ZCCHC2: variants seen among roughly 807,000 people sequenced by gnomAD.
ZCCHC2 encodes zinc finger CCHC-type containing 2.
A neutral mutation model predicts 103.6 loss-of-function variants in ZCCHC2; 39 were observed. The observed-to-expected ratio is 0.38, with a 90% CI of 0.29 to 0.49. The LOEUF is 0.49. Ranked by LOEUF, ZCCHC2 falls within the 20% of genes least tolerant of loss-of-function variation. The pLI, the probability that ZCCHC2 is intolerant of heterozygous loss-of-function variation, is 0.96. For synonymous variants in ZCCHC2, 687 were observed against 608.9 expected, an observed-to-expected ratio of 1.13 and a Z score of -1.89; for missense variants, 1,483 against 1,491.0, an observed-to-expected ratio of 0.99 and a Z score of 0.09.
intron 13 of ZCCHC2, among the ~76,000 whole-genome samples, chr18:62,576,173 G>A (rs1374765295): frequency 6.6e-6 from 1 of 152,046 alleles, no homozygotes; most frequent in Non-Finnish European, 1.5e-5. Context: ...CTATGTTTGA[G>A]TAAGATACCA....
chr18:62,547,042 C>T (rs1301227686), intron 4 of ZCCHC2, among the ~76,000 whole-genome samples: 1 of 152,010 alleles, frequency 6.6e-6, no homozygotes, highest in Non-Finnish European at 1.5e-5. Context: ...AGTTCAGGAG[C>T]TGCCAGGTTC....
chr18:62,582,280 G>A (rs1049007913), downstream of ZCCHC2, among the ~76,000 whole-genome samples: 3 of 152,230 alleles, frequency 2.0e-5, no homozygotes, highest in African/African-American at 4.8e-5. Flanking sequence ...GGTGTTGGCC[G>A]TGGGAAGGTC....
At chr18:62,558,968 AAGAAT>A (rs1916004880) in intron 7 of ZCCHC2, among the ~76,000 whole-genome samples, 198 bp downstream of exon 7, 1 of 152,268 alleles carries the variant, frequency 6.6e-6, no homozygotes, top group African/African-American at 2.4e-5. Flanking sequence ...TGTGTGGACA[AAGAAT>A]AGACCGTTCA....
intron 11 of ZCCHC2, among the ~76,000 whole-genome samples, chr18:62,566,367 CACTT>C (rs1315892343): frequency 3.9e-5 from 6 of 152,276 alleles, no homozygotes; most frequent in African/African-American, 9.6e-5. Context: ...GATCTTGTAA[CACTT>C]ACTATCTCTG....
chr18:62,578,815 G>A (rs1216067757), downstream of ZCCHC2, among the ~76,000 whole-genome samples: 3 of 152,180 alleles, frequency 2.0e-5, no homozygotes, highest in African/African-American at 7.2e-5. Context: ...CGCCCAGGTT[G>A]GAGTGCAGTG....
At chr18:62,535,122 G>A (rs77734461) in intron 1 of ZCCHC2, among the ~76,000 whole-genome samples, 5,864 of 152,244 alleles carry the variant, frequency 0.039, 369 homozygotes, top group African/African-American at 0.13. Flanking sequence ...CTCGTGGGGC[G>A]AGACTGCGAC....
In ZCCHC2 at chr18:62,524,093, GGACGGC is replaced by G; in HGVS notation, c.678_683del (p.Asp226_Gly227del). On this transcript the variant is annotated inframe_deletion, in exon 1 of 14. Coordinates refer to ENST00000269499, the MANE Select transcript of ZCCHC2 (RefSeq NM_017742.6). ...GCGGCGCGGAGGACGAGCGCGGCGA[GGACGGC>G]GACGGCGAGCAGGACGCCGAGAAGG... is the stretch of plus-strand genomic sequence containing the variant. 6.6e-7 allele frequency: 1 copy of G among 1,517,706 alleles called. No individual in the cohort carries two copies. Among genetic ancestry groups the G allele is most frequent in the Non-Finnish European group, 8.8e-7 (1 of 1,138,636 alleles). 94.0% of individuals were successfully genotyped at this position (1,517,706 alleles called of 1,614,324 possible).
chr18:62,542,426 G>A, intron 2 of ZCCHC2, 72 bp from the exon 3 acceptor site: 1 of 1,196,100 alleles, frequency 8.4e-7, no homozygotes, highest in Non-Finnish European at 1.2e-6. Context: ...CAACTTTTAG[G>A]GTTACTTTAG....
At position 62,574,727 on chromosome 18, in the gene ZCCHC2, G is replaced by A. The variant is rs1187177571; in HGVS notation, c.2646G>A (p.Val882=). The change falls in exon 13 of 14, where the codon GTG becomes GTA. Residue 882 remains valine, a synonymous_variant. Coordinates refer to ENST00000269499, the MANE Select transcript of ZCCHC2 (RefSeq NM_017742.6). ...ASQVVGLNQM[V]PQIEGNTGTV... The stretch of plus-strand genomic sequence containing the variant: ...AAGTGGTAGGACTCAATCAAATGGT[G>A]CCTCAAATTGAGGGAAACACAGGGA... 6.2e-7 allele frequency: 1 copy of A among 1,613,882 alleles called. No homozygotes were observed. The highest frequency in any genetic ancestry group is 1.3e-5 in the African/African-American group (1 of 74,924).
At chr18:62,530,678 A>G (rs894688437) in intron 1 of ZCCHC2, among the ~76,000 whole-genome samples, 8 of 152,180 alleles carry the variant, frequency 5.3e-5, no homozygotes, top group African/African-American at 1.9e-4. Context: ...GTTAGTACTT[A>G]CTTGTAAAGA....
At chr18:62,563,874 G>A (rs540619727) in intron 9 of ZCCHC2, among the ~76,000 whole-genome samples, 1 of 152,190 alleles carries the variant, frequency 6.6e-6, no homozygotes, top group African/African-American at 2.4e-5. Context: ...ATGCATTAGG[G>A]GATGTTTGCT....
chr18:62,569,332 T>G (rs11664892), intron 11 of ZCCHC2, among the ~76,000 whole-genome samples: 33,944 of 152,044 alleles, frequency 0.22, 4,034 homozygotes, highest in South Asian at 0.31. Context: ...TTCTACCAGT[T>G]GGCACAGAAA....
chr18:62,567,935 ACT>A (rs1916436202), intron 11 of ZCCHC2, among the ~76,000 whole-genome samples: 1 of 137,172 alleles, frequency 7.3e-6, no homozygotes, highest in Non-Finnish European at 1.6e-5. Flanking sequence ...ACAGAATGAG[ACT>A]CTGTCTCAAA....
chr18:62,535,526 C>G (rs1914881718), intron 1 of ZCCHC2, among the ~76,000 whole-genome samples: 1 of 152,290 alleles, frequency 6.6e-6, no homozygotes, highest in East Asian at 1.9e-4. Flanking sequence ...TGTCTCTGTT[C>G]TAGGGTGTCT....
At chr18:62,583,374 A>G (rs577755649), downstream of ZCCHC2, among the ~76,000 whole-genome samples, 7 of 152,330 alleles carry the variant, frequency 4.6e-5, no homozygotes, top group African/African-American at 1.4e-4. Context: ...CCAAAGTAAA[A>G]GTTTATGGCA....
Position 62,523,421 on chromosome 18 carries a change from G to C in ZCCHC2, c.-4G>C. 1 of 1,009,560 alleles carries C rather than the reference G, an allele frequency of 9.9e-7. No homozygotes were observed. The highest frequency in any genetic ancestry group is 1.2e-6 in the Non-Finnish European group (1 of 831,506). The allele number at this position is 1,009,560 out of a possible 1,614,324, so 62.5% of individuals were successfully genotyped here. A position where few individuals can be genotyped will look rare whatever the true frequency, so the allele number is the denominator to read the frequency against. ...CTCGCATGTCTGCGCCGCCCTAGCC[G>C]AGGATGCTGAGGATGAAGCTGCCGC... On this transcript the variant is annotated 5_prime_UTR_variant, in exon 1 of 14. Coordinates refer to ENST00000269499, the MANE Select transcript of ZCCHC2 (RefSeq NM_017742.6).
chr18:62,541,166 C>T (rs1915156919), intron 2 of ZCCHC2, among the ~76,000 whole-genome samples: 1 of 152,178 alleles, frequency 6.6e-6, no homozygotes, highest in Non-Finnish European at 1.5e-5. Context: ...TGGCTCTTAT[C>T]CTATTGCACA....
At chr18:62,556,665 C>A (rs528521894) in intron 6 of ZCCHC2, among the ~76,000 whole-genome samples, 1 of 152,072 alleles carries the variant, frequency 6.6e-6, no homozygotes, top group African/African-American at 2.4e-5. Context: ...CCTTTCCAGC[C>A]GATCAGACAG....
intron 1 of ZCCHC2, 164 bp from the exon 2 acceptor site, chr18:62,539,517 T>C (rs1598935877): frequency 1.9e-6 from 1 of 525,964 alleles, no homozygotes; most frequent in Middle Eastern, 4.8e-4. Flanking sequence ...ATCTTCTGCT[T>C]GCGGCTCTCA....
Sources: allele counts gnomAD v4.1 joint callset (sites outside exome capture counted in the v4.1 genomes callset), GRCh38; gene constraint gnomAD v4.1.1; transcripts MANE v1.5; gene names NCBI Gene and HGNC (gene_info 2026-07-23, HGNC 2026-07-21).